The following PRDM13 variants were observed in gnomAD, a reference collection of about 807,000 sequenced individuals.
PRDM13 encodes PR domain zinc finger protein 13.
In PRDM13, 15 loss-of-function variants were observed where a neutral mutation model predicts 36.4. The ratio of observed to expected loss-of-function variants is 0.41; its 90% CI spans 0.28 to 0.64. The LOEUF is 0.64. Among genes scored for constraint, PRDM13 ranks in the 30% least tolerant of loss-of-function variants. The pLI is 0.29. For missense variants in PRDM13, 1,044 were observed against 1,013.5 expected, an observed-to-expected ratio of 1.03 and a Z score of -0.41; for synonymous variants, 531 against 467.7, an observed-to-expected ratio of 1.14 and a Z score of -1.75.
At position 99,614,387 on chromosome 6, in the gene PRDM13, C is replaced by T. The variant is rs1468534847; in HGVS notation, c.1752C>T (p.Arg584=). ...TCTACTGTGGCAAGCTGTACTCGCG[C>T]AAGTATGGGCTCAAGATCCACATGC... ...LCLYCGKLYS[R]KYGLKIHMRT... Residue 584 remains arginine (R), a synonymous_variant, in exon 4 of 4, where the codon CGC becomes CGT. Coordinates refer to ENST00000369215, the MANE Select transcript of PRDM13 (RefSeq NM_021620.4). The T allele has an allele frequency of 1.2e-6, 2 of 1,613,270 alleles. No homozygotes were observed. Among genetic ancestry groups the T allele is most frequent in the East Asian group, 4.5e-5 (2 of 44,886 alleles).
chr6:99,607,767 G>A (rs1769970178), intron 1 of PRDM13, among the ~76,000 whole-genome samples: 2 of 152,138 alleles, frequency 1.3e-5, no homozygotes, highest in South Asian at 2.1e-4. Flanking sequence ...TGGCTCTGAC[G>A]CGGGCTCCAA....
rs984852799 is a variant in PRDM13, at chr6:99,613,559, C to A, written c.924C>A (p.His308Gln). Residue 308 changes from histidine (H) to glutamine (Q), a missense_variant, in exon 4 of 4, where the codon CAC (histidine) becomes CAA (glutamine). By Grantham distance (24) the His-to-Gln change is conservative (BLOSUM62 0). This residue lies in a region of PRDM13 where 921 missense variants were observed against 865.2 expected (regional missense o/e 1.06). Coordinates refer to ENST00000369215, the MANE Select transcript of PRDM13 (RefSeq NM_021620.4). The surrounding 1 kb of genome is among the most constrained non-coding windows in gnomAD (Gnocchi z 6.1). Reference protein sequence around the residue: ...AGLARAAAAAHGDPYREESSS... With the variant: ...AGLARAAAAAQGDPYREESSS... ...TAGCGAGGGCGGCGGCGGCCGCTCA[C>A]GGCGACCCCTACCGGGAGGAGAGCA... 4 of 1,504,122 alleles carry A rather than the reference C, an allele frequency of 2.7e-6. No homozygotes were observed. The highest frequency in any genetic ancestry group is 2.2e-5 in the Admixed American group (1 of 45,770). 93.2% of individuals were successfully genotyped at this position (1,504,122 alleles called of 1,614,324 possible).
In PRDM13 at chr6:99,613,672, C is replaced by A; in HGVS notation, c.1037C>A (p.Ala346Glu). The A allele has an allele frequency of 7.1e-7, 1 of 1,417,204 alleles. No individual in the cohort carries two copies. Among genetic ancestry groups the A allele is most frequent in the Non-Finnish European group, 9.1e-7 (1 of 1,100,802 alleles). The allele number at this position is 1,417,204 out of a possible 1,614,324, so 87.8% of individuals were successfully genotyped here. Residue 346 changes from alanine to glutamate, a missense_variant, in exon 4 of 4, where the codon GCG becomes GAG. Around this residue, in one of 3 missense-constraint regions of PRDM13, gnomAD observed 921 missense variants for 865.2 expected, o/e 1.06. Transcript: ENST00000369215. This position sits in a 1 kb window ranked among gnomAD's most constrained non-coding sequence, Gnocchi z 6.1. The part of the protein sequence containing the change: ...CGRPGSGENS[A>E]AGGAGHHHHH... ...CGCCCCGGGAGCGGGGAGAACTCGG[C>A]GGCGGGCGGCGCGGGTCACCACCAT...
rs755241559 is a variant in PRDM13, at chr6:99,606,985, C to T, written c.-50C>T. The T allele has an allele frequency of 1.3e-6, 2 of 1,547,482 alleles. No homozygotes were observed. Among genetic ancestry groups the T allele is most frequent in the Non-Finnish European group, 1.7e-6 (2 of 1,148,868 alleles). On this transcript the variant is annotated 5_prime_UTR_variant, in exon 1 of 4. Transcript: ENST00000369215. ...CAGCTCCAGCTCTGTCACTCGCGCC[C>T]TTCCAAGGACCTGGAGCACCCGAGC...
In PRDM13 at chr6:99,614,312, C is replaced by CGGCAGCGGA. The variant is rs1562509282; in HGVS notation, c.1686_1694dup (p.Gly563_Gly565dup). On this transcript the variant is annotated inframe_insertion, in exon 4 of 4. Coordinates refer to ENST00000369215, the MANE Select transcript of PRDM13 (RefSeq NM_021620.4). ...CGGCGGCGGGAGGCACCGGGGGCGG[C>CGGCAGCGGA]GGCAGCGGAGGCAGCGGCGCAGGTA... The CGGCAGCGGA allele has an allele frequency of 1.2e-6, 2 of 1,604,050 alleles. No individual in the cohort carries two copies. The highest frequency in any genetic ancestry group is 8.5e-7 in the Non-Finnish European group (1 of 1,175,578).
Position 99,613,541 on chromosome 6 carries a change from G to A in PRDM13, c.906G>A (p.Arg302=), listed in dbSNP as rs1282621552. 8 of 1,496,860 alleles carry A rather than the reference G, an allele frequency of 5.3e-6. No individual in the cohort carries two copies. The highest frequency in any genetic ancestry group is 6.2e-6 in the Non-Finnish European group (7 of 1,133,866). 92.7% of individuals were successfully genotyped at this position (1,496,860 alleles called of 1,614,324 possible). A position where few individuals can be genotyped will look rare whatever the true frequency, so the allele number is the denominator to read the frequency against. The change falls in exon 4 of 4, where the codon AGG becomes AGA. Residue 302 remains arginine (R), a synonymous_variant. Coordinates refer to ENST00000369215, the MANE Select transcript of PRDM13 (RefSeq NM_021620.4). The surrounding 1 kb of genome is among the most constrained non-coding windows in gnomAD (Gnocchi z 6.1). ...CTTTCAAGCCCGCCGGCCTAGCGAG[G>A]GCGGCGGCGGCCGCTCACGGCGACC... ...RSAFKPAGLA[R]AAAAAHGDPY... is the part of the protein sequence containing the mutation.
In PRDM13 at chr6:99,613,105, GT is replaced by G; in HGVS notation, c.473del (p.Phe158SerfsTer104). The stretch of plus-strand genomic sequence containing the variant: ...CCCAACAGCCTTAAGGCACACCTGC[GT>G]TTCCACTGCGTGTTCAGCGGCGGTG... ...RYPNSLKAHLRFHCVFSGGGG... is the reference protein window; with the variant it reads ...RYPNSLKAHLXFHCVFSGGGG... On this transcript the variant is annotated frameshift_variant, in exon 4 of 4. Coordinates refer to ENST00000369215, the MANE Select transcript of PRDM13 (RefSeq NM_021620.4). LOFTEE classifies it low-confidence loss of function (END_TRUNC). The surrounding 1 kb of genome is among the most constrained non-coding windows in gnomAD (Gnocchi z 6.1). The G allele has an allele frequency of 6.2e-7, 1 of 1,613,740 alleles. No individual in the cohort carries two copies. The highest frequency in any genetic ancestry group is 8.5e-7 in the Non-Finnish European group (1 of 1,180,034).
Position 99,613,626 on chromosome 6 carries a change from G to GGCGGGGGCCGGGCGT in PRDM13, c.997_1011dup (p.Gly333_Gly337dup). 1 of 1,456,986 alleles carries GGCGGGGGCCGGGCGT rather than the reference G, an allele frequency of 6.9e-7. No homozygotes were observed. Among genetic ancestry groups the GGCGGGGGCCGGGCGT allele is most frequent in the Non-Finnish European group, 9.0e-7 (1 of 1,117,204 alleles). 90.3% of individuals were successfully genotyped at this position (1,456,986 alleles called of 1,614,324 possible). A position where few individuals can be genotyped will look rare whatever the true frequency, so the allele number is the denominator to read the frequency against. ...CGGCCTCGCTTTGGGCAGGCTGCTGGGCGGGGGCCGGGCGTGCGGGCGCCC... is the reference window on the plus strand; with the variant it reads ...CGGCCTCGCTTTGGGCAGGCTGCTGGGCGGGGGCCGGGCGTGCGGGGGCCGGGCGTGCGGGCGCCC... On this transcript the variant is annotated inframe_insertion, in exon 4 of 4. Coordinates refer to ENST00000369215, the MANE Select transcript of PRDM13 (RefSeq NM_021620.4). This position sits in a 1 kb window ranked among gnomAD's most constrained non-coding sequence, Gnocchi z 6.1.
Position 99,608,732 on chromosome 6 carries a change from G to C in PRDM13, c.145-9G>C. On this transcript the variant is annotated splice_polypyrimidine_tract_variant and intron_variant, in intron 1 of 3. Coordinates refer to ENST00000369215, the MANE Select transcript of PRDM13 (RefSeq NM_021620.4). ...GTGCGGGGGAGAACGACCACTGCTTGTGTTGCAGGTGCGCATGGTGAGAGG... is the reference window on the plus strand; with the variant it reads ...GTGCGGGGGAGAACGACCACTGCTTCTGTTGCAGGTGCGCATGGTGAGAGG... 2 of 1,601,246 alleles carry C rather than the reference G, an allele frequency of 1.2e-6. No individual in the cohort carries two copies. Among genetic ancestry groups the C allele is most frequent in the Non-Finnish European group, 1.7e-6 (2 of 1,173,356 alleles).
In PRDM13 at chr6:99,613,781, C is replaced by G. The variant is rs1156948479; in HGVS notation, c.1146C>G (p.Cys382Trp). Residue 382 changes from cysteine to tryptophan, a missense_variant, in exon 4 of 4, where the codon TGC (cysteine) becomes TGG (tryptophan). Cys to Trp is a radical substitution (Grantham distance 215). Coordinates refer to ENST00000369215, the MANE Select transcript of PRDM13 (RefSeq NM_021620.4). The surrounding 1 kb of genome is among the most constrained non-coding windows in gnomAD (Gnocchi z 6.1). ...PPPPPPPGLP[C>W]SGALRGFPLL... ...CGCCGCCGCCGCCTGGCCTGCCCTG[C>G]TCTGGGGCCCTGCGCGGCTTCCCTC... is the stretch of plus-strand genomic sequence containing the variant. 3 of 1,506,598 alleles carry G rather than the reference C, an allele frequency of 2.0e-6. No homozygotes were observed. The highest frequency in any genetic ancestry group is 2.6e-6 in the Non-Finnish European group (3 of 1,135,064). 93.3% of individuals were successfully genotyped at this position (1,506,598 alleles called of 1,614,324 possible). A position where few individuals can be genotyped will look rare whatever the true frequency, so the allele number is the denominator to read the frequency against.
Position 99,608,863 on chromosome 6 carries a change from C to A in PRDM13, c.267C>A (p.Pro89=). 6.2e-7 allele frequency: 1 copy of A among 1,612,822 alleles called. No homozygotes were observed. Among genetic ancestry groups the A allele is most frequent in the Non-Finnish European group, 8.5e-7 (1 of 1,179,442 alleles). ...EQTLEAIADL[P]GGQIFYRALR... ...CTCTGGAAGCTATTGCAGACTTACC[C>A]GGAGGACAGGTACTGCGGGCTTCTC... The change falls in exon 2 of 4, where the codon CCC becomes CCA. Residue 89 remains proline, a synonymous_variant. Transcript: ENST00000369215.
Position 99,607,012 on chromosome 6 carries a change from C to A in PRDM13, c.-23C>A. On this transcript the variant is annotated 5_prime_UTR_variant, in exon 1 of 4. Transcript: ENST00000369215. ...TCCAAGGACCTGGAGCACCCGAGCG[C>A]CTGCCTGGTGGCGGCGGCAACAATG... 1.3e-6 allele frequency: 2 copies of A among 1,599,058 alleles called. No individual in the cohort carries two copies. The highest frequency in any genetic ancestry group is 1.7e-5 in the Admixed American group (1 of 58,988).
chr6:99,613,268 C>T lies in PRDM13; in HGVS notation c.633C>T (p.His211=), dbSNP rs773940126. Residue 211 remains histidine, a synonymous_variant, in exon 4 of 4, where the codon CAC becomes CAT. Coordinates refer to ENST00000369215, the MANE Select transcript of PRDM13 (RefSeq NM_021620.4). The surrounding 1 kb of genome is among the most constrained non-coding windows in gnomAD (Gnocchi z 6.1). ...CCCAGGCAGGAACTTTGCGACCCCA[C>T]CCCCTGGGCCCGCCACCAGTTCAGG... ...APSQAGTLRP[H]PLGPPPVQAC... is the part of the protein sequence containing the mutation. 1 of 1,597,596 alleles carries T rather than the reference C, an allele frequency of 6.3e-7. No individual in the cohort carries two copies. Among genetic ancestry groups the T allele is most frequent in the Admixed American group, 1.7e-5 (1 of 58,436 alleles).
rs1454692228 is a variant in PRDM13, at chr6:99,613,876, C to T, written c.1241C>T (p.Ala414Val). The change falls in exon 4 of 4, where the codon GCG becomes GTG. Residue 414 changes from alanine to valine, a missense_variant. Coordinates refer to ENST00000369215, the MANE Select transcript of PRDM13 (RefSeq NM_021620.4). This position sits in a 1 kb window ranked among gnomAD's most constrained non-coding sequence, Gnocchi z 6.1. ...GAGCGCGCCCCGCCCGCAGCCGCCG[C>T]GCTGCCAGGAGCGCGTTATGCGCAG... ...HVERAPPAAA[A>V]LPGARYAQLP... is the part of the protein sequence containing the mutation. The T allele has an allele frequency of 6.6e-7, 1 of 1,526,036 alleles. No individual in the cohort carries two copies. Among genetic ancestry groups the T allele is most frequent in the Non-Finnish European group, 8.7e-7 (1 of 1,144,670 alleles). The allele number at this position is 1,526,036 out of a possible 1,614,324, so 94.5% of individuals were successfully genotyped here.
rs1265643129 is a variant in PRDM13 at position 99,614,828 on chromosome 6, A to G, written c.*69A>G. On this transcript the variant is annotated 3_prime_UTR_variant, in exon 4 of 4. Transcript: ENST00000369215. The stretch of plus-strand genomic sequence containing the variant: ...GAGGGTTTATTCTCGCAGTAGAGGA[A>G]CTCCTGGTGGTGGGAAGAGGGACCC... 23 of 1,505,004 alleles carry G rather than the reference A, an allele frequency of 1.5e-5. No homozygotes were observed. The highest frequency in any genetic ancestry group is 1.7e-5 in the Non-Finnish European group (19 of 1,127,870). The allele number at this position is 1,505,004 out of a possible 1,614,324, so 93.2% of individuals were successfully genotyped here.
At chr6:99,611,062 T>C (rs1422244206) in intron 3 of PRDM13, among the ~76,000 whole-genome samples, 1 of 152,180 alleles carries the variant, frequency 6.6e-6, no homozygotes, top group African/African-American at 2.4e-5. Context: ...ATGTATTTGA[T>C]ACTCTTGGCA....
Position 99,614,096 on chromosome 6 carries a change from C to G in PRDM13, c.1461C>G (p.Gly487=). 1.9e-6 allele frequency: 3 copies of G among 1,598,834 alleles called. No homozygotes were observed. The highest frequency in any genetic ancestry group is 2.6e-6 in the Non-Finnish European group (3 of 1,173,510). ...ATTACCCGCTCAAATTGCACTTCGG[C>G]GGGCTGCTGAAGTATCCGGAGTCCA... ...TAYYPLKLHF[G]GLLKYPESIS... The change falls in exon 4 of 4, where the codon GGC becomes GGG. Residue 487 remains glycine, a synonymous_variant. Transcript: ENST00000369215.
At position 99,615,108 on chromosome 6, in the gene PRDM13, C is replaced by T. The variant is rs1263359476; in HGVS notation, c.*349C>T. 6.5e-6 allele frequency: 2 copies of T among 306,194 alleles called. No individual in the cohort carries two copies. The highest frequency in any genetic ancestry group is 4.3e-5 in the African/African-American group (2 of 46,486). 19.0% of individuals were successfully genotyped at this position (306,194 alleles called of 1,614,324 possible). The stretch of plus-strand genomic sequence containing the variant: ...GCGAACGTCACAGCGCCTTCGAGGG[C>T]GCAGATTTTAACTGCCACGTATTTT... On this transcript the variant is annotated 3_prime_UTR_variant, in exon 4 of 4. Coordinates refer to ENST00000369215, the MANE Select transcript of PRDM13 (RefSeq NM_021620.4).
chr6:99,612,898 C>T, intron 3 of PRDM13, 135 bp from the exon 4 acceptor site: 2 of 1,470,808 alleles, frequency 1.4e-6, no homozygotes, highest in Middle Eastern at 2.4e-4. Context: ...TACAGTAGGG[C>T]TACCGAACTT....
Sources: gnomAD v4.1 joint callset for allele counts (sites outside exome capture counted in the v4.1 genomes callset) on GRCh38, gnomAD v4.1.1 for gene constraint, gnomAD v4.1.1 regional missense constraint, Gnocchi (gnomAD v3.1) non-coding constraint, MANE v1.5 for transcripts, NCBI Gene and HGNC (gene_info 2026-07-23, HGNC 2026-07-21) for gene names.